The following DYNC1LI1 variants were observed in gnomAD, a reference collection of about 807,000 sequenced individuals.
DYNC1LI1 encodes the protein cytoplasmic dynein 1 light intermediate chain 1.
Under a neutral mutation model 63.8 loss-of-function variants are expected in DYNC1LI1, and 19 were observed. That is an observed-to-expected ratio of 0.30 (90% confidence interval 0.21 to 0.44). The LOEUF (loss-of-function observed/expected upper bound fraction) is 0.44. DYNC1LI1 is among the 20% of genes least tolerant of loss of function. DYNC1LI1 has a pLI of 1.00. For missense variants in DYNC1LI1, 565 were observed against 630.2 expected, an observed-to-expected ratio of 0.90 and a Z score of 1.11; for synonymous variants, 225 against 232.3, an observed-to-expected ratio of 0.97 and a Z score of 0.28.
At position 32,541,202 on chromosome 3, in the gene DYNC1LI1, A is replaced by C. The variant is rs1227453582; in HGVS notation, c.573T>G (p.Ile191Met). 3 of 1,576,086 alleles carry C rather than the reference A, an allele frequency of 1.9e-6. No individual in the cohort carries two copies. Among genetic ancestry groups the C allele is most frequent in the Non-Finnish European group, 2.6e-6 (3 of 1,160,114 alleles). Residue 191 changes from isoleucine (I) to methionine (M), a missense_variant, in exon 5 of 13, where the codon ATT becomes ATG. Transcript: ENST00000273130. Reference sequence around the variant, plus strand: ...GCTCTACATATTCTTGGAAGTCTCTAATCACTGAAAATCAAAGTAAACACA... The same window carrying C: ...GCTCTACATATTCTTGGAAGTCTCTCATCACTGAAAATCAAAGTAAACACA... ...EEMKQMEQKL[I>M]RDFQEYVEPG...
chr3:32,538,063 TTTA>T (rs1255431385), intron 5 of DYNC1LI1, among the ~76,000 whole-genome samples: 1 of 78,870 alleles, frequency 1.3e-5, no homozygotes, highest in African/African-American at 4.6e-5. Flanking sequence ...ATATATATAA[TTTA>T]TTATATATAT....
chr3:32,568,865 T>C (rs1689674539), intron 2 of DYNC1LI1, among the ~76,000 whole-genome samples: 1 of 152,214 alleles, frequency 6.6e-6, no homozygotes, highest in Non-Finnish European at 1.5e-5. Flanking sequence ...ACCTTAGAAA[T>C]GAGTAGTAAT....
At chr3:32,546,330 C>T (rs1575154366) in intron 2 of DYNC1LI1, among the ~76,000 whole-genome samples, 1 of 152,136 alleles carries the variant, frequency 6.6e-6, no homozygotes, top group South Asian at 2.1e-4. Flanking sequence ...ATCTCTTGGA[C>T]CTGGGAGGCG....
chr3:32,528,932 A>G (rs1040895675), intron 11 of DYNC1LI1, among the ~76,000 whole-genome samples: 4 of 152,212 alleles, frequency 2.6e-5, no homozygotes, highest in African/African-American at 7.2e-5. Context: ...AGTATTAGGA[A>G]AAGTTACAGA....
At chr3:32,543,786 C>T (rs867103907) in intron 4 of DYNC1LI1, among the ~76,000 whole-genome samples, 6 of 150,758 alleles carry the variant, frequency 4.0e-5, no homozygotes, top group Admixed American at 6.6e-5. Flanking sequence ...TACAGGCAGC[C>T]GGACGTGGTG....
intron 2 of DYNC1LI1, among the ~76,000 whole-genome samples, chr3:32,549,661 T>C (rs933892971): frequency 6.6e-6 from 1 of 152,160 alleles, no homozygotes; most frequent in African/African-American, 2.4e-5. Context: ...TAAGTAAAAC[T>C]ACATATAATA....
At chr3:32,567,516 T>C (rs1698283171) in intron 2 of DYNC1LI1, among the ~76,000 whole-genome samples, 1 of 144,962 alleles carries the variant, frequency 6.9e-6, no homozygotes, top group Admixed American at 6.9e-5. Flanking sequence ...GGCTCAGATT[T>C]GGTTTTTTAT....
intron 8 of DYNC1LI1, chr3:32,530,804 G>T: frequency 6.2e-6 from 2 of 323,746 alleles, no homozygotes; most frequent in Admixed American, 4.3e-5. Context: ...TGTGACTAAG[G>T]AAATGATTTT....
At chr3:32,555,117 G>T (rs936774821) in intron 2 of DYNC1LI1, among the ~76,000 whole-genome samples, 5 of 152,072 alleles carry the variant, frequency 3.3e-5, no homozygotes, top group Non-Finnish European at 2.9e-5. Flanking sequence ...TGATCTGCCC[G>T]CCTCAGCCTC....
chr3:32,562,648 C>CT (rs778206365), intron 2 of DYNC1LI1, among the ~76,000 whole-genome samples: 1 of 152,264 alleles, frequency 6.6e-6, no homozygotes, highest in East Asian at 1.9e-4. Context: ...ATCTTCTTAC[C>CT]TTTTTTTAAA....
Position 32,569,967 on chromosome 3 carries a change from G to A in DYNC1LI1, c.220+379C>T, listed in dbSNP as rs536163604. On this transcript the variant is annotated intron_variant, in intron 2 of 12. Transcript: ENST00000273130. ...TAAATATTAATGGCATGCCATTTGC[G>A]CTGCAGCTCTCGCAAAGAGCCTCCT... 2.0e-5 allele frequency among the ~76,000 whole-genome samples: 3 copies of A among 152,288 alleles called. No homozygotes were observed. In the South Asian group the frequency reaches 6.2e-4, roughly 32 times the overall value.
At chr3:32,532,314 A>C (rs1697708864) in intron 8 of DYNC1LI1, 1 of 151,778 alleles carries the variant, frequency 6.6e-6, no homozygotes, top group Admixed American at 6.6e-5. Flanking sequence ...AAATACAAAA[A>C]AATTAGCTGG....
chr3:32,535,459 G>A (rs1427450298), intron 6 of DYNC1LI1, among the ~76,000 whole-genome samples: 1 of 152,176 alleles, frequency 6.6e-6, no homozygotes, highest in African/African-American at 2.4e-5. Flanking sequence ...TGGGAGTACA[G>A]TCTAACTTCT....
intron 2 of DYNC1LI1, among the ~76,000 whole-genome samples, chr3:32,552,167 T>C (rs529633405): frequency 5.3e-5 from 8 of 152,324 alleles, no homozygotes; most frequent in Non-Finnish European, 1.2e-4. Flanking sequence ...CCTTCAGATA[T>C]CTGCATGTTG....
intron 7 of DYNC1LI1, among the ~76,000 whole-genome samples, chr3:32,533,462 A>T (rs547373344): frequency 5.9e-5 from 9 of 152,194 alleles, no homozygotes; most frequent in African/African-American, 2.2e-4. Flanking sequence ...GGGCAACAGG[A>T]GTGAGACCCT....
intron 2 of DYNC1LI1, among the ~76,000 whole-genome samples, chr3:32,555,954 GA>G (rs1327495687): frequency 6.6e-6 from 1 of 152,064 alleles, no homozygotes; most frequent in Non-Finnish European, 1.5e-5. Flanking sequence ...TAAGATGTGA[GA>G]AAAAAACCCG....
intron 5 of DYNC1LI1, among the ~76,000 whole-genome samples, chr3:32,537,957 ATATAATATATATATATT>A (rs1697806609): frequency 3.4e-4 from 1 of 2,928 alleles, no homozygotes; most frequent in African/African-American, 1.4e-3. Context: ...TAATTTATAT[ATATAATATATATATATT>A]TATATATAAT....
At chr3:32,561,201 T>G (rs956010883) in intron 2 of DYNC1LI1, among the ~76,000 whole-genome samples, 1 of 151,802 alleles carries the variant, frequency 6.6e-6, no homozygotes, top group South Asian at 2.1e-4. Flanking sequence ...TAATCAAATA[T>G]GGTATGTATT....
At chr3:32,544,796 T>G (rs182827888) in intron 4 of DYNC1LI1, 80 bp downstream of exon 4, 26 of 1,007,814 alleles carry the variant, frequency 2.6e-5, no homozygotes, top group Non-Finnish European at 3.7e-5. Flanking sequence ...ACCTTTTTTA[T>G]AGTCAAAAAT....
Sources: allele counts gnomAD v4.1 joint callset (sites outside exome capture counted in the v4.1 genomes callset), GRCh38; gene constraint gnomAD v4.1.1; transcripts MANE v1.5; gene names NCBI Gene and HGNC (gene_info 2026-07-23, HGNC 2026-07-21).